Variants in SERINC5 observed in about 807,000 individuals in gnomAD.
SERINC5 encodes the protein chromosome 5 open reading frame 12.
In SERINC5, 41 loss-of-function variants were observed where a neutral mutation model predicts 63.1. That is an observed-to-expected ratio of 0.65 (90% CI 0.51 to 0.84). The LOEUF (loss-of-function observed/expected upper bound fraction) is 0.84. SERINC5 is among the 40% of genes least tolerant of loss of function. The pLI, the probability that SERINC5 is intolerant of heterozygous loss-of-function variation, is 0.00. For synonymous variants in SERINC5, 222 were observed against 215.2 expected (o/e 1.03, Z -0.28); for missense variants, 523 against 573.0 (o/e 0.91, Z 0.89).
chr5:80,188,677 G>T (rs964365218), intron 2 of SERINC5, among the ~76,000 whole-genome samples: 8 of 152,074 alleles, frequency 5.3e-5, no homozygotes, highest in African/African-American at 1.4e-4. Context: ...CTTGAGCCCC[G>T]GAGTTCAAGA....
chr5:80,213,245 C>CAAAAAAAAAAGAAAG (rs57289084), intron 1 of SERINC5, among the ~76,000 whole-genome samples: 22 of 132,686 alleles, frequency 1.7e-4, no homozygotes, highest in Admixed American at 5.7e-4. Flanking sequence ...GACTGCATCT[C>CAAAAAAAAAAGAAAG]AAAGAAAGAA....
At chr5:80,152,281 G>A (rs542481831) in intron 8 of SERINC5, among the ~76,000 whole-genome samples, 3 of 151,946 alleles carry the variant, frequency 2.0e-5, no homozygotes, top group Admixed American at 6.6e-5. Context: ...CAGGTAGATC[G>A]CTTGAGCCCA....
chr5:80,209,090 G>A (rs1399149440), intron 1 of SERINC5, among the ~76,000 whole-genome samples: 1 of 152,138 alleles, frequency 6.6e-6, no homozygotes, highest in Non-Finnish European at 1.5e-5. Flanking sequence ...GGCCAACATG[G>A]CAACACCCCG....
intron 1 of SERINC5, among the ~76,000 whole-genome samples, chr5:80,209,551 C>T (rs1007982615): frequency 1.3e-5 from 2 of 152,178 alleles, no homozygotes; most frequent in Non-Finnish European, 2.9e-5. Flanking sequence ...AGGCAGTACG[C>T]CCTGCTATTT....
intron 1 of SERINC5, among the ~76,000 whole-genome samples, chr5:80,204,088 C>T (rs1750030590): frequency 6.6e-6 from 1 of 152,170 alleles, no homozygotes; most frequent in African/African-American, 2.4e-5. Context: ...CGCTCGGGAC[C>T]CTTCCGGACA....
intron 11 of SERINC5, among the ~76,000 whole-genome samples, chr5:80,145,391 G>A (rs183259208): frequency 7.4e-5 from 11 of 149,142 alleles, no homozygotes; most frequent in African/African-American, 2.7e-4. Context: ...AAAAGGAGAA[G>A]GATACACATC....
intron 5 of SERINC5, among the ~76,000 whole-genome samples, chr5:80,173,171 A>G (rs1235395198): frequency 1.3e-5 from 2 of 151,964 alleles, no homozygotes; most frequent in Non-Finnish European, 2.9e-5. Flanking sequence ...AAAGGAAAGC[A>G]AAGAAAGAGG....
chr5:80,239,229 C>A lies in SERINC5; in HGVS notation c.27+16667G>T, dbSNP rs556625144. Among the ~76,000 whole-genome samples, 5 of 152,340 alleles carry A rather than the reference C, an allele frequency of 3.3e-5. No homozygotes were observed. The South Asian group carries it at 8.3e-4, about 25-fold the overall frequency. On this transcript the variant is annotated intron_variant, in intron 1 of 11. Transcript: ENST00000507668. ...GCAGGACCCGGAGCAACGGGCATTA[C>A]GCCCATCAGAAACCTCATCAGCAGC...
In SERINC5 at chr5:80,141,667, C is replaced by T. The variant is rs888037751; in HGVS notation, c.*1996G>A. Reference sequence around the variant, plus strand: ...ACAGCTACTGTGTGTGACACGCAGCCCCACTCCCTGAGCCCATTCCTGGCC... The same window carrying T: ...ACAGCTACTGTGTGTGACACGCAGCTCCACTCCCTGAGCCCATTCCTGGCC... On this transcript the variant is annotated 3_prime_UTR_variant, in exon 12 of 12. Coordinates refer to ENST00000507668, the MANE Select transcript of SERINC5 (RefSeq NM_001174072.3). 3.0e-6 allele frequency: 3 copies of T among 985,568 alleles called. No homozygotes were observed. Among genetic ancestry groups the T allele is most frequent in the Non-Finnish European group, 3.6e-6 (3 of 830,010 alleles). 61.1% of individuals were successfully genotyped at this position (985,568 alleles called of 1,614,324 possible).
intron 1 of SERINC5, among the ~76,000 whole-genome samples, chr5:80,229,639 A>AT (rs1237611017): frequency 9.5e-6 from 1 of 105,630 alleles, no homozygotes; most frequent in Non-Finnish European, 1.8e-5. Context: ...TAAAAAGAAA[A>AT]GGAAAAAACA....
chr5:80,135,370 C>T (rs769927885), downstream of SERINC5, among the ~76,000 whole-genome samples: 6 of 151,968 alleles, frequency 3.9e-5, no homozygotes, highest in East Asian at 1.2e-3. Flanking sequence ...GAAGGCCGAC[C>T]CAGAAGGTGG....
chr5:80,114,969 AG>A (rs1356730819), intron 11 of SERINC5, among the ~76,000 whole-genome samples: 1 of 152,022 alleles, frequency 6.6e-6, no homozygotes, highest in East Asian at 1.9e-4. Context: ...TCCATAAACC[AG>A]GGAAAAGGCA....
intron 2 of SERINC5, chr5:80,198,557 C>T (rs887622071): frequency 3.0e-5 from 30 of 985,428 alleles, no homozygotes; most frequent in African/African-American, 2.6e-4. Flanking sequence ...CACTCCCATC[C>T]GGGCCGTTAC....
chr5:80,156,682 T>C (rs1358305985), intron 8 of SERINC5, among the ~76,000 whole-genome samples: 1 of 152,218 alleles, frequency 6.6e-6, no homozygotes, highest in Non-Finnish European at 1.5e-5. Context: ...TTTTTTTTAG[T>C]AGCTATCAAC....
Position 80,139,893 on chromosome 5 carries a change from G to A in SERINC5, c.*3770C>T, listed in dbSNP as rs1745397474. ...TTTCCAAGAGGTATAGGACACTAGA[G>A]TACACCAAATGAGATACTATTTGGA... On this transcript the variant is annotated 3_prime_UTR_variant, in exon 12 of 12. Coordinates refer to ENST00000507668, the MANE Select transcript of SERINC5 (RefSeq NM_001174072.3). 1 of 985,178 alleles carries A rather than the reference G, an allele frequency of 1.0e-6. No homozygotes were observed. The highest frequency in any genetic ancestry group is 6.2e-5 in the Admixed American group (1 of 16,254). 61.0% of individuals were successfully genotyped at this position (985,178 alleles called of 1,614,324 possible).
At chr5:80,145,296 T>C (rs1745746571) in intron 11 of SERINC5, among the ~76,000 whole-genome samples, 1 of 151,928 alleles carries the variant, frequency 6.6e-6, no homozygotes, top group East Asian at 1.9e-4. Flanking sequence ...TGAGCCGAGA[T>C]TGCGCCACTG....
chr5:80,224,201 C>T (rs185568059), intron 1 of SERINC5, among the ~76,000 whole-genome samples: 4 of 151,868 alleles, frequency 2.6e-5, no homozygotes, highest in Non-Finnish European at 5.9e-5. Flanking sequence ...TGGCTTATCC[C>T]TGTAATCCCA....
At position 80,142,141 on chromosome 5, in the gene SERINC5, C is replaced by A. The variant is rs1461339441; in HGVS notation, c.*1522G>T. ...AGAGAGCTCGAGAAGATTCTTTCCA[C>A]CCCGAATGAAATTCTAACAGGAGTT... is the stretch of plus-strand genomic sequence containing the variant. On this transcript the variant is annotated 3_prime_UTR_variant, in exon 12 of 12. Transcript: ENST00000507668. 2 of 985,300 alleles carry A rather than the reference C, an allele frequency of 2.0e-6. No homozygotes were observed. The highest frequency in any genetic ancestry group is 6.1e-5 in the Admixed American group (1 of 16,262). 61.0% of individuals were successfully genotyped at this position (985,300 alleles called of 1,614,324 possible).
intron 6 of SERINC5, among the ~76,000 whole-genome samples, chr5:80,168,863 C>T (rs2112382535): frequency 6.6e-6 from 1 of 152,276 alleles, no homozygotes; most frequent in East Asian, 1.9e-4. Context: ...GCACATGGGC[C>T]AGCTGCTGGC....
Sources: gnomAD v4.1 joint callset for allele counts (sites outside exome capture counted in the v4.1 genomes callset) on GRCh38, gnomAD v4.1.1 for gene constraint, MANE v1.5 for transcripts, NCBI Gene and HGNC (gene_info 2026-07-23, HGNC 2026-07-21) for gene names.